NTRK2: variants seen among roughly 807,000 people sequenced by gnomAD.
NTRK2 encodes the protein BDNF/NT-3 growth factors receptor.
NTRK2 carries 13 observed loss-of-function variants against 94.5 expected under a neutral mutation model. That is an observed-to-expected ratio of 0.14 (90% CI 0.09 to 0.22). The LOEUF (loss-of-function observed/expected upper bound fraction) is 0.22. Ranked by LOEUF, NTRK2 falls within the 10% of genes least tolerant of loss-of-function variation. NTRK2 has a pLI of 1.00. For synonymous variants in NTRK2, 372 were observed against 407.4 expected (o/e 0.91, Z 1.05); for missense variants, 639 against 1,071.2 (o/e 0.60, Z 5.63).
intron 14 of NTRK2, among the ~76,000 whole-genome samples, chr9:84,870,760 G>T (rs766718655): frequency 1.3e-5 from 2 of 152,092 alleles, no homozygotes; most frequent in African/African-American, 2.4e-5. Flanking sequence ...CTTTCAATGT[G>T]CTTACAGCAT....
rs1189261278 is a variant in NTRK2 at position 84,670,702 on chromosome 9, C to A, written c.-47C>A. ...CCCCGCACGGGTGGGGGAAAGCGGC[C>A]GGTGCAGCGCGGGGACAGGCACTCG... On this transcript the variant is annotated 5_prime_UTR_variant, in exon 2 of 19. Coordinates refer to ENST00000277120, the MANE Select transcript of NTRK2 (RefSeq NM_006180.6). 2 of 1,590,228 alleles carry A rather than the reference C, an allele frequency of 1.3e-6. No homozygotes were observed. The highest frequency in any genetic ancestry group is 1.1e-5 in the South Asian group (1 of 90,556).
chr9:84,944,215 T>TCTCACA (rs1440338055), intron 15 of NTRK2, among the ~76,000 whole-genome samples: 9 of 120,330 alleles, frequency 7.5e-5, no homozygotes, highest in South Asian at 5.4e-4. Context: ...TCTCTCTCTC[T>TCTCACA]CACACACACA....
At chr9:84,847,443 A>G (rs908725642) in intron 12 of NTRK2, among the ~76,000 whole-genome samples, 1 of 152,208 alleles carries the variant, frequency 6.6e-6, no homozygotes, top group Non-Finnish European at 1.5e-5. Context: ...GGCTTGATGC[A>G]AGGCCCAAAC....
chr9:84,794,700 G>C (rs2069096642), intron 12 of NTRK2, among the ~76,000 whole-genome samples: 1 of 152,152 alleles, frequency 6.6e-6, no homozygotes, highest in Admixed American at 6.5e-5. Flanking sequence ...TTATGGTAGA[G>C]GGGCATATAG....
At chr9:84,962,429 C>G (rs1186055948) in intron 17 of NTRK2, among the ~76,000 whole-genome samples, 3 of 152,266 alleles carry the variant, frequency 2.0e-5, no homozygotes, top group African/African-American at 7.2e-5. Flanking sequence ...GTTCTTGGTC[C>G]CATCCTTCAC....
At chr9:84,671,092 T>G in intron 2 of NTRK2, 132 bp downstream of exon 2, 1 of 844,252 alleles carries the variant, frequency 1.2e-6, no homozygotes, top group South Asian at 1.4e-5. Flanking sequence ...CAGGACAGGG[T>G]CATCTGTCAG....
rs201992943 is a variant in NTRK2, at chr9:84,702,250, A to G, written c.287+17A>G. 25 of 1,613,550 alleles carry G rather than the reference A, an allele frequency of 1.5e-5. No individual in the cohort carries two copies. The highest frequency in any genetic ancestry group is 1.6e-4 in the Middle Eastern group (1 of 6,082). The stretch of plus-strand genomic sequence containing the variant: ...GAGAAATCTGTGAGTACTCAGGACC[A>G]GGGCACATTATCTCAGAGAATTTTC... On this transcript the variant is annotated intron_variant, in intron 3 of 18. Transcript: ENST00000277120.
At chr9:84,788,227 CT>C (rs1225440206) in intron 12 of NTRK2, among the ~76,000 whole-genome samples, 8 of 151,950 alleles carry the variant, frequency 5.3e-5, no homozygotes, top group Non-Finnish European at 8.8e-5. Context: ...AATAGTTATA[CT>C]TAGTAGGGAC....
Position 85,022,202 on chromosome 9 carries a change from T to C in NTRK2, c.*765T>C. The C allele has an allele frequency of 4.3e-6, 1 of 233,274 alleles. No homozygotes were observed. The highest frequency in any genetic ancestry group is 6.0e-5 in the East Asian group (1 of 16,576). The allele number at this position is 233,274 out of a possible 1,614,324, so 14.5% of individuals were successfully genotyped here. ...CAGCAACTGTTAGCTGGGAAGAATG[T>C]ATTCGGCACCTTCCCCTGAGGACCT... is the stretch of plus-strand genomic sequence containing the variant. On this transcript the variant is annotated 3_prime_UTR_variant, in exon 19 of 19. Coordinates refer to ENST00000277120, the MANE Select transcript of NTRK2 (RefSeq NM_006180.6).
chr9:84,960,783 C>T (rs1824820816), intron 17 of NTRK2, among the ~76,000 whole-genome samples: 1 of 152,202 alleles, frequency 6.6e-6, no homozygotes, highest in Admixed American at 6.5e-5. Context: ...AGGAAACTGG[C>T]TCATATCTAT....
At chr9:84,810,814 C>T (rs975104946) in intron 12 of NTRK2, 1 of 1,361,256 alleles carries the variant, frequency 7.3e-7, no homozygotes, top group Non-Finnish European at 9.4e-7. Context: ...TAAGCAGCAC[C>T]TCAAGAAAAC....
At chr9:84,907,634 T>A (rs1184668196) in intron 14 of NTRK2, among the ~76,000 whole-genome samples, 1 of 152,014 alleles carries the variant, frequency 6.6e-6, no homozygotes. Flanking sequence ...ATTAAAATAA[T>A]GTGTGTCTGT....
chr9:85,010,848 C>T (rs1831483296), intron 17 of NTRK2, among the ~76,000 whole-genome samples: 1 of 152,152 alleles, frequency 6.6e-6, no homozygotes. Flanking sequence ...ATTATAATCG[C>T]TTCTAAAACT....
Position 84,744,989 on chromosome 9 carries a change from G to C in NTRK2, c.1212G>C (p.Ala404=). 1 of 1,613,564 alleles carries C rather than the reference G, an allele frequency of 6.2e-7. No homozygotes were observed. Among genetic ancestry groups the C allele is most frequent in the South Asian group, 1.1e-5 (1 of 91,054 alleles). Residue 404 remains alanine (A), a synonymous_variant, in exon 11 of 19, where the codon GCG becomes GCC. Coordinates refer to ENST00000277120, the MANE Select transcript of NTRK2 (RefSeq NM_006180.6). The stretch of plus-strand genomic sequence containing the variant: ...CCACTTAAGATTATGGAACTGCAGC[G>C]AATGACATCGGGGACACCACGAACA... The part of the protein sequence containing the change: ...DVIYEDYGTA[A]NDIGDTTNRS...
At chr9:84,950,185 T>C (rs2078731378) in intron 16 of NTRK2, among the ~76,000 whole-genome samples, 1 of 152,198 alleles carries the variant, frequency 6.6e-6, no homozygotes, top group Non-Finnish European at 1.5e-5. Flanking sequence ...GACGCTTGAA[T>C]TCTGCCAGGA....
intron 15 of NTRK2, among the ~76,000 whole-genome samples, chr9:84,934,516 T>C (rs927914440): frequency 6.6e-6 from 1 of 152,220 alleles, no homozygotes; most frequent in African/African-American, 2.4e-5. Flanking sequence ...CTGCAGGCTG[T>C]GAAGAGCTCT....
At chr9:84,975,036 G>A (rs1826650160) in intron 17 of NTRK2, among the ~76,000 whole-genome samples, 2 of 152,144 alleles carry the variant, frequency 1.3e-5, no homozygotes, top group Admixed American at 1.3e-4. Flanking sequence ...GACACTCATT[G>A]CCCTCGGCGG....
intron 17 of NTRK2, among the ~76,000 whole-genome samples, chr9:84,970,736 C>G (rs566239492): frequency 1.3e-5 from 2 of 152,338 alleles, no homozygotes; most frequent in African/African-American, 4.8e-5. Context: ...GGCAATCCCC[C>G]ATCCTATCCA....
chr9:84,897,853 T>C (rs1048951295), intron 14 of NTRK2, among the ~76,000 whole-genome samples: 4 of 152,102 alleles, frequency 2.6e-5, no homozygotes, highest in Non-Finnish European at 4.4e-5. Flanking sequence ...AAATATCAAC[T>C]GAAAAGGCCT....
Sources: allele counts gnomAD v4.1 joint callset (sites outside exome capture counted in the v4.1 genomes callset), GRCh38; gene constraint gnomAD v4.1.1; transcripts MANE v1.5; gene names NCBI Gene and HGNC (gene_info 2026-07-23, HGNC 2026-07-21).